Variants in NEB observed in about 807,000 individuals in gnomAD.
The protein encoded by NEB is nemaline myopathy type 2.
NEB carries 512 observed loss-of-function variants against 952.2 expected under a neutral mutation model. That is an observed-to-expected ratio of 0.54 (90% CI 0.50 to 0.58). NEB has a LOEUF of 0.58. NEB is among the 20% of genes least tolerant of loss of function. The pLI, the probability that NEB is intolerant of heterozygous loss-of-function variation, is 0.00. For missense variants in NEB, 8,428 were observed against 9,231.1 expected, an observed-to-expected ratio of 0.91 and a Z score of 3.56; for synonymous variants, 2,900 against 3,149.8, an observed-to-expected ratio of 0.92 and a Z score of 2.66.
chr2:151,570,111 C>T lies in NEB; in HGVS notation c.17400G>A (p.Gln5800=). 9.3e-6 allele frequency: 15 copies of T among 1,611,962 alleles called. No individual in the cohort carries two copies. The highest frequency in any genetic ancestry group is 1.3e-5 in the Non-Finnish European group (15 of 1,179,112). The part of the protein sequence containing the change: ...TCMPDQNDVI[Q]AKKAYELQSD... ...TCTGCAGTTCGTAGGCCTTCTTGGC[C>T]TGAATCACATCGTTCTGGTCGGGCA... Residue 5800 remains glutamine (Q), a synonymous_variant, in exon 109 of 182, where the codon CAG becomes CAA. Coordinates refer to ENST00000397345, the MANE Select transcript of NEB (RefSeq NM_001164508.2).
chr2:151,548,353 A>G lies in NEB; in HGVS notation c.20112T>C (p.Asp6704=). ...CTCTCCGGACGTGGACAAATGGAAC[A>G]TCTTTGGGGCCAAGTGTATACCCAT... The part of the protein sequence containing the change: ...KAYGYTLGPK[D]VPFVHVRRVN... The change falls in exon 131 of 182, where the codon GAT becomes GAC. Residue 6704 remains aspartate (D), a synonymous_variant. Coordinates refer to ENST00000397345, the MANE Select transcript of NEB (RefSeq NM_001164508.2). 6.2e-7 allele frequency: 1 copy of G among 1,613,834 alleles called. No homozygotes were observed. The highest frequency in any genetic ancestry group is 1.7e-4 in the Middle Eastern group (1 of 6,060).
Position 151,619,745 on chromosome 2 carries a change from T to C in NEB, c.10578A>G (p.Ala3526=), listed in dbSNP as rs760118695. ...TGTGGTGACCCAACTGTTTACGATA[T>C]GCTTCTTTGTATTTGTACTGAAAGA... ...DIASDYKYKE[A]YRKQLGHHIG... Residue 3526 remains alanine, a synonymous_variant, in exon 73 of 182, where the codon GCA becomes GCG. Coordinates refer to ENST00000397345, the MANE Select transcript of NEB (RefSeq NM_001164508.2). The C allele has an allele frequency of 2.2e-5, 35 of 1,610,894 alleles. No homozygotes were observed. The East Asian group carries it at 6.0e-4, about 28-fold the overall frequency.
intron 179 of NEB, 34 bp downstream of exon 179, chr2:151,491,649 T>C (rs1344050517): frequency 4.8e-6 from 7 of 1,459,990 alleles, no homozygotes; most frequent in Non-Finnish European, 6.6e-6. Context: ...TAAATGGTGA[T>C]GTTTATGTTG....
intron 129 of NEB, among the ~76,000 whole-genome samples, chr2:151,550,148 T>C (rs2153635664): frequency 6.6e-6 from 1 of 150,740 alleles, no homozygotes; most frequent in Middle Eastern, 3.4e-3. Flanking sequence ...GTACCTGTAG[T>C]CCCAGCTACT....
At chr2:151,534,091 T>C in intron 142 of NEB, 2 of 730,020 alleles carry the variant, frequency 2.7e-6, no homozygotes, top group South Asian at 3.7e-5. Flanking sequence ...ACAGATACTT[T>C]GAAACAGAAC....
At position 151,690,837 on chromosome 2, in the gene NEB, G is replaced by C. The variant is rs371778394; in HGVS notation, c.2212-12C>G. 4 of 1,522,902 alleles carry C rather than the reference G, an allele frequency of 2.6e-6. No homozygotes were observed. In the Admixed American group the frequency reaches 5.7e-5, roughly 22 times the overall value. 94.3% of individuals were successfully genotyped at this position (1,522,902 alleles called of 1,614,324 possible). On this transcript the variant is annotated splice_polypyrimidine_tract_variant and intron_variant, in intron 23 of 181. Coordinates refer to ENST00000397345, the MANE Select transcript of NEB (RefSeq NM_001164508.2). The stretch of plus-strand genomic sequence containing the variant: ...ACTTTGTAGGTATGCTAGAAAAGAA[G>C]ATGTTCTTTAATGAAATATCAGTAT...
intron 163 of NEB, 144 bp from the exon 164 acceptor site, chr2:151,506,402 A>G: frequency 4.7e-6 from 3 of 644,744 alleles, no homozygotes; most frequent in Non-Finnish European, 5.5e-6. Context: ...CGCACCTGAC[A>G]TTTCCATGTC....
chr2:151,646,049 GAGAACTTCT>G, intron 55 of NEB, 72 bp downstream of exon 55: 1 of 1,030,874 alleles, frequency 9.7e-7, no homozygotes, highest in Non-Finnish European at 1.4e-6. Flanking sequence ...CAGGGATTCA[GAGAACTTCT>G]AGACAATTTC....
chr2:151,698,654 T>C lies in NEB; in HGVS notation c.1153-1006A>G, dbSNP rs867177446. Among the ~76,000 whole-genome samples, 26 of 149,238 alleles carry C rather than the reference T, an allele frequency of 1.7e-4. 1 individual carries two copies. Among genetic ancestry groups the C allele is most frequent in the Admixed American group, 1.1e-3 (17 of 15,062 alleles). On this transcript the variant is annotated intron_variant, in intron 13 of 181. Coordinates refer to ENST00000397345, the MANE Select transcript of NEB (RefSeq NM_001164508.2). ...TCATTAATTTTTTTTTTTTTTTTTT[T>C]TGAGATGGAGTCTCCCTCTGTTGCC...
intron 146 of NEB, among the ~76,000 whole-genome samples, chr2:151,528,848 G>A (rs1311975252): frequency 6.6e-6 from 1 of 152,186 alleles, no homozygotes; most frequent in Non-Finnish European, 1.5e-5. Flanking sequence ...GAAGCAGATT[G>A]TAGAGTTTGA....
intron 167 of NEB, among the ~76,000 whole-genome samples, chr2:151,502,521 T>C (rs76498020): frequency 0.016 from 2,444 of 152,250 alleles, 41 homozygotes; most frequent in Non-Finnish European, 0.024. Context: ...TTACACCAGT[T>C]AGAAACACCT....
intron 62 of NEB, 140 bp from the exon 63 acceptor site, chr2:151,639,524 G>A (rs13032138): frequency 0.22 from 134,800 of 602,104 alleles, 23,438 homozygotes; most frequent in East Asian, 0.62. Context: ...GCACATCTTC[G>A]GGTAATAAGT....
intron 78 of NEB, 81 bp from the exon 79 acceptor site, chr2:151,610,947 T>C: frequency 1.2e-6 from 1 of 848,750 alleles, no homozygotes; most frequent in Middle Eastern, 3.0e-4. Context: ...ATCATTACAG[T>C]TGTTAGCAAA....
At chr2:151,513,807 G>C (rs573437684) in intron 159 of NEB, 114 bp from the exon 160 acceptor site, 1 of 740,252 alleles carries the variant, frequency 1.4e-6, no homozygotes, top group Non-Finnish European at 2.3e-6. Flanking sequence ...CACAGATAGT[G>C]TCGCTTGCTA....
chr2:151,558,666 C>T (rs889105162), intron 124 of NEB, among the ~76,000 whole-genome samples: 1 of 152,192 alleles, frequency 6.6e-6, no homozygotes, highest in Non-Finnish European at 1.5e-5. Context: ...ATCATCTGAT[C>T]TTTGACAAAT....
chr2:151,641,477 TG>T (rs958838170), intron 60 of NEB, among the ~76,000 whole-genome samples: 5 of 152,152 alleles, frequency 3.3e-5, no homozygotes, highest in African/African-American at 7.2e-5. Flanking sequence ...ACTACAGGCA[TG>T]CGCCATCACA....
chr2:151,581,737 G>A (rs2097104831), intron 102 of NEB, 150 bp from the exon 103 acceptor site: 1 of 619,214 alleles, frequency 1.6e-6, no homozygotes, highest in Admixed American at 3.2e-5. Context: ...ACTAACATAA[G>A]TAAATTAAAA....
rs7575451 is a variant in NEB, at chr2:151,496,329, C to G, written c.24433G>C (p.Ala8145Pro). 0.65 allele frequency: 1,041,212 copies of G among 1,610,432 alleles called. 339,213 individuals carry two copies. Among genetic ancestry groups the G allele is most frequent in the East Asian group, 0.79 (35,471 of 44,784 alleles). ...ACTCGCTCCATCTCGGGAGTGACAG[C>G]TAAAGGAGTTCCCTTGCCCATGTTT... ...KENMGKGTPL[A>P]VTPEMERVKH... The change falls in exon 173 of 182, where the codon GCT becomes CCT. Residue 8145 changes from alanine to proline, a missense_variant. By Grantham distance (27) the Ala-to-Pro change is conservative. Coordinates refer to ENST00000397345, the MANE Select transcript of NEB (RefSeq NM_001164508.2).
At chr2:151,507,947 T>C in intron 162 of NEB, 58 bp downstream of exon 162, 1 of 1,247,798 alleles carries the variant, frequency 8.0e-7, no homozygotes, top group Non-Finnish European at 1.2e-6. Context: ...TCCAGAGGCA[T>C]CTTCCTCAGC....
Sources: allele counts gnomAD v4.1 joint callset (sites outside exome capture counted in the v4.1 genomes callset), GRCh38; gene constraint gnomAD v4.1.1; transcripts MANE v1.5; gene names NCBI Gene and HGNC (gene_info 2026-07-23, HGNC 2026-07-21).